SPIRE1: variants seen among roughly 807,000 people sequenced by gnomAD.
The protein encoded by SPIRE1 is spire type actin nucleation factor 1, also known as protein spire homolog 1.
Under a neutral mutation model 94.1 loss-of-function variants are expected in SPIRE1, and 40 were observed. The ratio of observed to expected loss-of-function variants is 0.43; its 90% CI spans 0.33 to 0.55. The LOEUF is 0.55. Among genes scored for constraint, SPIRE1 ranks in the 20% least tolerant of loss-of-function variants. The pLI is 0.06. For missense variants in SPIRE1, 838 were observed against 975.2 expected (o/e 0.86, Z 1.87); for synonymous variants, 376 against 371.7 (o/e 1.01, Z -0.13).
intron 2 of SPIRE1, among the ~76,000 whole-genome samples, chr18:12,560,605 C>A (rs919101240): frequency 6.6e-6 from 1 of 152,204 alleles, no homozygotes; most frequent in African/African-American, 2.4e-5. Flanking sequence ...AATCCCAGCA[C>A]TTTGGCATGC....
intron 2 of SPIRE1, among the ~76,000 whole-genome samples, chr18:12,554,342 G>C (rs2035441058): frequency 6.7e-6 from 1 of 149,064 alleles, no homozygotes; most frequent in South Asian, 2.1e-4. Context: ...AAAGTCAAAG[G>C]ATTATTAGTG....
intron 2 of SPIRE1, among the ~76,000 whole-genome samples, chr18:12,558,958 C>T (rs2035602384): frequency 1.3e-5 from 2 of 152,220 alleles, no homozygotes; most frequent in South Asian, 4.1e-4. Context: ...ATTTACAATC[C>T]TCTAGCTAGA....
At chr18:12,621,632 C>G (rs542119109) in intron 2 of SPIRE1, among the ~76,000 whole-genome samples, 5 of 152,092 alleles carry the variant, frequency 3.3e-5, no homozygotes, top group Non-Finnish European at 7.4e-5. Context: ...CCTATGAGTC[C>G]GTGCATATGC....
At chr18:12,486,092 C>A in intron 8 of SPIRE1, 92 bp from the exon 9 acceptor site, 1 of 912,082 alleles carries the variant, frequency 1.1e-6, no homozygotes, top group Non-Finnish European at 1.7e-6. Context: ...TAATGAAGAC[C>A]CTTAGTGGCT....
intron 12 of SPIRE1, among the ~76,000 whole-genome samples, chr18:12,462,901 T>A (rs2031923645): frequency 6.6e-6 from 1 of 151,926 alleles, no homozygotes; most frequent in African/African-American, 2.4e-5. Context: ...TCGTTTAGGT[T>A]ATGGATAGAG....
chr18:12,591,218 G>A (rs559300569), intron 2 of SPIRE1, among the ~76,000 whole-genome samples: 21 of 152,300 alleles, frequency 1.4e-4, no homozygotes, highest in South Asian at 6.2e-4. Context: ...CTAAGTATGC[G>A]ACTATCCAGG....
At chr18:12,468,842 T>C (rs1305629958) in intron 10 of SPIRE1, among the ~76,000 whole-genome samples, 1 of 152,164 alleles carries the variant, frequency 6.6e-6, no homozygotes, top group Non-Finnish European at 1.5e-5. Flanking sequence ...GAGGATCGCT[T>C]AAGCCAGGGA....
At chr18:12,656,497 C>G (rs1043310307) in intron 1 of SPIRE1, 2 of 154,940 alleles carry the variant, frequency 1.3e-5, no homozygotes, top group Non-Finnish European at 2.8e-5. Context: ...TAACTATAAC[C>G]TTGAATATTG....
chr18:12,460,923 T>C (rs910228533), intron 12 of SPIRE1, among the ~76,000 whole-genome samples: 3 of 152,180 alleles, frequency 2.0e-5, no homozygotes, highest in Non-Finnish European at 4.4e-5. Context: ...GGAAGATCAT[T>C]TCGTCTCTGC....
rs182311886 is a variant in SPIRE1, at chr18:12,639,128, A to T, written c.338-4032T>A. Among the ~76,000 whole-genome samples, 1,314 of 151,526 alleles carry T rather than the reference A, an allele frequency of 8.7e-3. 20 individuals are homozygous for T. Among genetic ancestry groups the T allele is most frequent in the African/African-American group, 0.031 (1,263 of 41,372 alleles). On this transcript the variant is annotated intron_variant, in intron 1 of 16. Coordinates refer to ENST00000409402, the MANE Select transcript of SPIRE1 (RefSeq NM_001128626.2). ...ATGGGGAAATGCATTCCTCAAAAAAAATTTTTTTTTTGAGACGGAGTCTCG... is the reference window on the plus strand; with the variant it reads ...ATGGGGAAATGCATTCCTCAAAAAATATTTTTTTTTTGAGACGGAGTCTCG...
intron 2 of SPIRE1, among the ~76,000 whole-genome samples, chr18:12,624,215 C>A (rs1349210705): frequency 6.7e-6 from 1 of 149,694 alleles, no homozygotes; most frequent in East Asian, 2.0e-4. Flanking sequence ...AACCACCATG[C>A]CTGCCTAATA....
In SPIRE1 at chr18:12,546,691, A is replaced by G; in HGVS notation, c.586T>C (p.Tyr196His). The part of the protein sequence containing the change: ...EKRKISAIRS[Y>H]RDVMKLCAAH... The stretch of plus-strand genomic sequence containing the variant: ...TGCCTTACCTTCATGACATCTCTAT[A>G]TGACCGAATAGCTGAGATTTTTCTC... Residue 196 changes from tyrosine to histidine, a missense_variant, in exon 3 of 17, where the codon TAT becomes CAT. Tyr to His is a moderately conservative substitution (Grantham distance 83, BLOSUM62 2). Coordinates refer to ENST00000409402, the MANE Select transcript of SPIRE1 (RefSeq NM_001128626.2). 1 of 1,613,796 alleles carries G rather than the reference A, an allele frequency of 6.2e-7. No individual in the cohort carries two copies. The highest frequency in any genetic ancestry group is 1.3e-5 in the African/African-American group (1 of 75,030).
Position 12,446,683 on chromosome 18 carries a change from C to A in SPIRE1, c.*2955G>T, listed in dbSNP as rs562651305. 6.6e-6 allele frequency: 1 copy of A among 152,044 alleles called. No individual in the cohort carries two copies. The highest frequency in any genetic ancestry group is 2.4e-5 in the African/African-American group (1 of 41,440). 9.4% of individuals were successfully genotyped at this position (152,044 alleles called of 1,614,324 possible). ...TACACATTTCTCTATGGTCCTTCAA[C>A]AGTTTTGCATATACAAAATTTTCTG... On this transcript the variant is annotated 3_prime_UTR_variant, in exon 17 of 17. Coordinates refer to ENST00000409402, the MANE Select transcript of SPIRE1 (RefSeq NM_001128626.2).
chr18:12,639,148 G>T (rs2038017404), intron 1 of SPIRE1, among the ~76,000 whole-genome samples: 1 of 151,386 alleles, frequency 6.6e-6, no homozygotes, highest in African/African-American at 2.4e-5. Flanking sequence ...TTGAGACGGA[G>T]TCTCGCTCTG....
rs1240822418 is a variant in SPIRE1, at chr18:12,447,715, T to G, written c.*1923A>C. 2 of 152,244 alleles carry G rather than the reference T, an allele frequency of 1.3e-5. No homozygotes were observed. Among genetic ancestry groups the G allele is most frequent in the Non-Finnish European group, 2.9e-5 (2 of 68,046 alleles). The allele number at this position is 152,244 out of a possible 1,614,324, so 9.4% of individuals were successfully genotyped here. A position where few individuals can be genotyped will look rare whatever the true frequency, so the allele number is the denominator to read the frequency against. On this transcript the variant is annotated 3_prime_UTR_variant, in exon 17 of 17. Coordinates refer to ENST00000409402, the MANE Select transcript of SPIRE1 (RefSeq NM_001128626.2). ...TGAAAGACATGTACTAGATGTTTGC[T>G]TTGTGAATGTGAATGAAAGTCTTAT...
At chr18:12,497,442 A>G (rs1380747436) in intron 6 of SPIRE1, among the ~76,000 whole-genome samples, 1 of 152,110 alleles carries the variant, frequency 6.6e-6, no homozygotes, top group Admixed American at 6.6e-5. Flanking sequence ...TAGAACCTCA[A>G]TGGCCACTCC....
At chr18:12,546,119 A>G (rs2035159229) in intron 3 of SPIRE1, among the ~76,000 whole-genome samples, 1 of 151,980 alleles carries the variant, frequency 6.6e-6, no homozygotes, top group South Asian at 2.1e-4. Flanking sequence ...CCTCCCAAGT[A>G]GCTGGGACTA....
At chr18:12,521,428 G>A (rs1033582789) in intron 4 of SPIRE1, among the ~76,000 whole-genome samples, 1 of 151,876 alleles carries the variant, frequency 6.6e-6, no homozygotes, top group Non-Finnish European at 1.5e-5. Flanking sequence ...CTGCCTCCCA[G>A]GTTCAAGGGA....
Position 12,640,595 on chromosome 18 carries a change from G to T in SPIRE1, c.338-5499C>A, listed in dbSNP as rs1263849151. ...AAACAAAACAGAACTCGTGATAAATGGATCCAAAAGGGAGAGAAAGTAACA... is the reference window on the plus strand; with the variant it reads ...AAACAAAACAGAACTCGTGATAAATTGATCCAAAAGGGAGAGAAAGTAACA... On this transcript the variant is annotated intron_variant, in intron 1 of 16. Transcript: ENST00000409402. Among the ~76,000 whole-genome samples the T allele has an allele frequency of 3.3e-5, 5 of 152,290 alleles. No individual in the cohort carries two copies. The East Asian group carries it at 9.6e-4, about 29-fold the overall frequency.
Sources: allele counts gnomAD v4.1 joint callset (sites outside exome capture counted in the v4.1 genomes callset), GRCh38; gene constraint gnomAD v4.1.1; transcripts MANE v1.5; gene names NCBI Gene and HGNC (gene_info 2026-07-23, HGNC 2026-07-21).